Variants in ZNF345 observed in about 807,000 individuals in gnomAD.
ZNF345 encodes the protein zinc finger protein 345.
For synonymous variants in ZNF345, 166 were observed against 187.9 expected (o/e 0.88, Z 0.95); for missense variants, 527 against 589.9 (o/e 0.89, Z 1.10).
chr19:36,852,532 G>A (rs548075665), intron 2 of ZNF345, among the ~76,000 whole-genome samples: 8 of 151,868 alleles, frequency 5.3e-5, no homozygotes, highest in African/African-American at 1.2e-4. Context: ...GCTTGAACCC[G>A]GGAGGCAGAG....
intron 2 of ZNF345, among the ~76,000 whole-genome samples, chr19:36,876,182 A>G (rs1362664618): frequency 6.6e-6 from 1 of 152,162 alleles, no homozygotes; most frequent in Non-Finnish European, 1.5e-5. Flanking sequence ...CATTCTAACC[A>G]CAGATGAATC....
chr19:36,883,471 A>C (rs147802213), downstream of ZNF345, among the ~76,000 whole-genome samples: 4 of 152,334 alleles, frequency 2.6e-5, no homozygotes, highest in East Asian at 7.7e-4. Flanking sequence ...CACTACGTTC[A>C]GTAGCCTTCT....
chr19:36,863,405 C>A (rs2072595918), intron 2 of ZNF345, among the ~76,000 whole-genome samples: 1 of 152,206 alleles, frequency 6.6e-6, no homozygotes, highest in Non-Finnish European at 1.5e-5. Flanking sequence ...AAACTAGTTT[C>A]TCAAATGCTG....
At chr19:36,854,329 G>A (rs2072357544) in intron 2 of ZNF345, 1 of 150,904 alleles carries the variant, frequency 6.6e-6, no homozygotes, top group Non-Finnish European at 1.5e-5. Flanking sequence ...AGCTGTATTA[G>A]AAAGACTAAA....
At chr19:36,876,215 A>G (rs1051659731) in intron 2 of ZNF345, among the ~76,000 whole-genome samples, 12 of 152,144 alleles carry the variant, frequency 7.9e-5, no homozygotes, top group African/African-American at 2.9e-4. Flanking sequence ...AGCTCATTCC[A>G]TACTCATTTA....
At chr19:36,883,774 C>T (rs2072981716), downstream of ZNF345, among the ~76,000 whole-genome samples, 1 of 152,096 alleles carries the variant, frequency 6.6e-6, no homozygotes, top group Non-Finnish European at 1.5e-5. Context: ...TTCTTTTGCT[C>T]AACATTATTT....
At chr19:36,891,818 C>G in intron 3 of ZNF345, 2 of 1,614,128 alleles carry the variant, frequency 1.2e-6, no homozygotes, top group Non-Finnish European at 1.7e-6. Flanking sequence ...TGCTTACATT[C>G]ATAAGGTTTC....
At chr19:36,886,268 CAT>C (rs994447929) in intron 3 of ZNF345, among the ~76,000 whole-genome samples, 3 of 152,106 alleles carry the variant, frequency 2.0e-5, no homozygotes, top group African/African-American at 7.2e-5. Context: ...ACGTGCTGTG[CAT>C]AGTGACTTCC....
intron 2 of ZNF345, among the ~76,000 whole-genome samples, chr19:36,873,370 T>G (rs1297376980): frequency 6.6e-6 from 1 of 152,172 alleles, no homozygotes; most frequent in Non-Finnish European, 1.5e-5. Flanking sequence ...GTTTCTGTTG[T>G]TTTTGTATAT....
In ZNF345 at chr19:36,877,795, C is replaced by A; in HGVS notation, c.965C>A (p.Ala322Asp). 6.2e-7 allele frequency: 1 copy of A among 1,613,764 alleles called. No homozygotes were observed. The highest frequency in any genetic ancestry group is 8.5e-7 in the Non-Finnish European group (1 of 1,179,924). Residue 322 changes from alanine to aspartate, a missense_variant, in exon 3 of 3, where the codon GCC becomes GAC. Transcript: ENST00000420450. ...TATGAGTGTAAGGAGTGTGAGAAAG[C>A]CTTTAGAAGTGGTTCAAAACTTATT... is the stretch of plus-strand genomic sequence containing the variant. ...KPYECKECEKAFRSGSKLIQH... is the reference protein window; with the variant it reads ...KPYECKECEKDFRSGSKLIQH...
chr19:36,882,271 G>GA (rs1296780279), downstream of ZNF345, among the ~76,000 whole-genome samples: 3 of 150,872 alleles, frequency 2.0e-5, no homozygotes, highest in Non-Finnish European at 4.4e-5. Flanking sequence ...GGGGCCCATG[G>GA]TTTTTTTTTC....
intron 3 of ZNF345, chr19:36,892,722 C>T (rs2073070258): frequency 1.8e-6 from 1 of 568,196 alleles, no homozygotes; most frequent in South Asian, 2.9e-5. Flanking sequence ...CCAGAGTCAC[C>T]TTAAGCCTTG....
At chr19:36,867,282 T>C (rs1389031651) in intron 2 of ZNF345, among the ~76,000 whole-genome samples, 1 of 152,220 alleles carries the variant, frequency 6.6e-6, no homozygotes, top group Non-Finnish European at 1.5e-5. Flanking sequence ...TCATTTGTAT[T>C]ATCTTTTATC....
At chr19:36,891,401 C>A in intron 3 of ZNF345, 2 of 1,312,458 alleles carry the variant, frequency 1.5e-6, no homozygotes, top group Non-Finnish European at 2.0e-6. Context: ...CATAGGAGAA[C>A]CTTTGATAAT....
chr19:36,857,430 C>G (rs922326350), intron 2 of ZNF345, among the ~76,000 whole-genome samples: 12 of 152,036 alleles, frequency 7.9e-5, no homozygotes, highest in African/African-American at 2.9e-4. Flanking sequence ...CCTCAGCCTC[C>G]CGAGTAGCTG....
intron 3 of ZNF345, among the ~76,000 whole-genome samples, chr19:36,886,426 C>G (rs1363233183): frequency 2.6e-5 from 4 of 152,224 alleles, no homozygotes; most frequent in African/African-American, 9.6e-5. Context: ...GAAAATGGCA[C>G]TTTACCTCTG....
chr19:36,852,128 CTTTTTTTTTTT>C (rs35747733), intron 2 of ZNF345, among the ~76,000 whole-genome samples: 1 of 102,704 alleles, frequency 9.7e-6, no homozygotes, highest in Non-Finnish European at 1.9e-5. Flanking sequence ...TTCTTTCTTT[CTTTTTTTTTTT>C]TTTTTTTTGA....
chr19:36,875,585 A>G (rs1446072433), intron 2 of ZNF345, among the ~76,000 whole-genome samples: 9 of 152,180 alleles, frequency 5.9e-5, no homozygotes, highest in Admixed American at 5.9e-4. Flanking sequence ...TCCAGGCTAA[A>G]TATCACTCTG....
At chr19:36,887,436 G>A (rs1370169860) in intron 3 of ZNF345, among the ~76,000 whole-genome samples, 1 of 152,094 alleles carries the variant, frequency 6.6e-6, no homozygotes. Context: ...TTAGTAGTAG[G>A]GGAAACTAGG....
Sources: gnomAD v4.1 joint callset for allele counts (sites outside exome capture counted in the v4.1 genomes callset) on GRCh38, gnomAD v4.1.1 for gene constraint, MANE v1.5 for transcripts, NCBI Gene and HGNC (gene_info 2026-07-23, HGNC 2026-07-21) for gene names.